FSIP1: variants seen among roughly 807,000 people sequenced by gnomAD.
FSIP1 encodes the protein fibrous sheath interacting protein 1.
A neutral mutation model predicts 60.9 loss-of-function variants in FSIP1; 65 were observed. The observed-to-expected ratio is 1.07, with a 90% CI of 0.87 to 1.31. FSIP1 has a LOEUF of 1.31. Among genes scored for constraint, FSIP1 ranks in the 40% most tolerant of loss-of-function variants. FSIP1 has a pLI of 0.00. For missense variants in FSIP1, 675 were observed against 665.5 expected (o/e 1.01, Z -0.16); for synonymous variants, 209 against 221.2 (o/e 0.94, Z 0.49).
intron 10 of FSIP1, among the ~76,000 whole-genome samples, chr15:39,683,914 A>G (rs991206505): frequency 6.6e-6 from 1 of 152,254 alleles, no homozygotes; most frequent in African/African-American, 2.4e-5. Context: ...TGAAGATGAC[A>G]AAATGCTGCT....
intron 10 of FSIP1, among the ~76,000 whole-genome samples, chr15:39,667,273 C>A (rs1166004193): frequency 6.6e-6 from 1 of 152,016 alleles, no homozygotes; most frequent in Non-Finnish European, 1.5e-5. Flanking sequence ...CATGACACAA[C>A]AGCATACACT....
intron 10 of FSIP1, among the ~76,000 whole-genome samples, chr15:39,625,845 C>A (rs1359370135): frequency 6.6e-6 from 1 of 152,318 alleles, no homozygotes; most frequent in East Asian, 1.9e-4. Context: ...ACCTACTCCA[C>A]CCCCTACTCC....
intron 2 of FSIP1, among the ~76,000 whole-genome samples, chr15:39,771,638 C>A (rs887164589): frequency 6.6e-6 from 1 of 152,204 alleles, no homozygotes. Flanking sequence ...ATTCGCTTCC[C>A]ACAATGACCC....
chr15:39,764,870 G>A (rs1595398784), intron 4 of FSIP1, among the ~76,000 whole-genome samples: 1 of 152,320 alleles, frequency 6.6e-6, no homozygotes, highest in East Asian at 1.9e-4. Flanking sequence ...GGGTTAAACT[G>A]TGTCTATTTA....
chr15:39,617,245 T>C (rs559666436), intron 11 of FSIP1, among the ~76,000 whole-genome samples: 4 of 152,140 alleles, frequency 2.6e-5, no homozygotes, highest in African/African-American at 7.2e-5. Flanking sequence ...ACCATGACCA[T>C]TGCAAGATGA....
intron 10 of FSIP1, among the ~76,000 whole-genome samples, chr15:39,673,980 T>G (rs1893823114): frequency 6.6e-6 from 1 of 152,032 alleles, no homozygotes; most frequent in Non-Finnish European, 1.5e-5. Context: ...TTAATAAAAT[T>G]TTATATAAAT....
chr15:39,692,009 G>A lies in FSIP1; in HGVS notation c.1188+21435C>T, dbSNP rs114385764. On this transcript the variant is annotated intron_variant, in intron 10 of 11. Transcript: ENST00000350221. ...AAATGTAAAATTTTACAGAATGCCC[G>A]CAAGTGATTCTCTTTAAGTGCTGCA... Among the ~76,000 whole-genome samples, 978 of 152,198 alleles carry A rather than the reference G, an allele frequency of 6.4e-3. 12 individuals are homozygous for A. The highest frequency in any genetic ancestry group is 0.022 in the African/African-American group (922 of 41,510).
intron 10 of FSIP1, among the ~76,000 whole-genome samples, chr15:39,691,018 G>C (rs1451774685): frequency 6.6e-6 from 1 of 152,206 alleles, no homozygotes; most frequent in Non-Finnish European, 1.5e-5. Flanking sequence ...AAAAGAGAAA[G>C]GAGCTAGAGT....
intron 5 of FSIP1, among the ~76,000 whole-genome samples, chr15:39,757,227 T>C (rs1897327468): frequency 6.6e-6 from 1 of 152,126 alleles, no homozygotes; most frequent in Non-Finnish European, 1.5e-5. Context: ...ATTTTTAAAT[T>C]TTTATACATT....
chr15:39,775,735 T>C lies in FSIP1; in HGVS notation c.126+664A>G, dbSNP rs145969614. Among the ~76,000 whole-genome samples the C allele has an allele frequency of 4.6e-3, 707 of 152,228 alleles. 5 individuals carry two copies. The highest frequency in any genetic ancestry group is 0.016 in the African/African-American group (654 of 41,548). The stretch of plus-strand genomic sequence containing the variant: ...CTCTCTCTCTCTCCTGCTCCAACCA[T>C]GTAGGATGTGCCAGCTTCCCCTTCA... On this transcript the variant is annotated intron_variant, in intron 2 of 11. Transcript: ENST00000350221.
intron 10 of FSIP1, among the ~76,000 whole-genome samples, chr15:39,647,339 A>G (rs149222835): frequency 6.6e-6 from 1 of 152,352 alleles, no homozygotes; most frequent in African/African-American, 2.4e-5. Context: ...TTCACAATGT[A>G]TATCAAAACA....
chr15:39,729,802 C>T (rs755023750), intron 8 of FSIP1, among the ~76,000 whole-genome samples: 39 of 152,166 alleles, frequency 2.6e-4, no homozygotes, highest in Non-Finnish European at 4.3e-4. Context: ...AACTCAAATA[C>T]TGCATGTTCT....
chr15:39,670,203 CA>C (rs1434540680), intron 10 of FSIP1, among the ~76,000 whole-genome samples: 1 of 152,116 alleles, frequency 6.6e-6, no homozygotes, highest in Non-Finnish European at 1.5e-5. Flanking sequence ...GCATAGAGCC[CA>C]AAAGGTCCTT....
chr15:39,776,677 C>T, intron 1 of FSIP1, 146 bp from the exon 2 acceptor site: 1 of 674,658 alleles, frequency 1.5e-6, no homozygotes. Flanking sequence ...CCCAGCTTCA[C>T]CAAAAGACAT....
At chr15:39,751,651 G>A (rs1199456182) in intron 5 of FSIP1, among the ~76,000 whole-genome samples, 1 of 151,806 alleles carries the variant, frequency 6.6e-6, no homozygotes, top group African/African-American at 2.4e-5. Flanking sequence ...GATTACCTGG[G>A]GAGAGAACAC....
intron 10 of FSIP1, among the ~76,000 whole-genome samples, chr15:39,637,850 C>T (rs1892200480): frequency 6.6e-6 from 1 of 151,700 alleles, no homozygotes; most frequent in South Asian, 2.1e-4. Context: ...TTTGGGGAAG[C>T]ATCATTACAG....
At chr15:39,722,538 C>G (rs1896023211) in intron 9 of FSIP1, among the ~76,000 whole-genome samples, 1 of 152,066 alleles carries the variant, frequency 6.6e-6, no homozygotes, top group Admixed American at 6.5e-5. Context: ...TGTCTCTGAT[C>G]CCTCTGCCTC....
intron 10 of FSIP1, among the ~76,000 whole-genome samples, chr15:39,649,809 A>ACG (rs1892792389): frequency 6.6e-6 from 1 of 152,082 alleles, no homozygotes; most frequent in African/African-American, 2.4e-5. Context: ...CTTTATTTCC[A>ACG]CGTTCCCCAA....
chr15:39,614,438 C>T (rs1008162295), intron 11 of FSIP1, among the ~76,000 whole-genome samples: 4 of 151,834 alleles, frequency 2.6e-5, no homozygotes, highest in African/African-American at 9.7e-5. Context: ...AAAAGATGTC[C>T]CATGTTCCCA....
Sources: allele counts gnomAD v4.1 joint callset (sites outside exome capture counted in the v4.1 genomes callset), GRCh38; gene constraint gnomAD v4.1.1; transcripts MANE v1.5; gene names NCBI Gene and HGNC (gene_info 2026-07-23, HGNC 2026-07-21).